The following KLHL8 variants were observed in gnomAD, a reference collection of about 807,000 sequenced individuals.
KLHL8 encodes the protein kelch like family member 8.
Under a neutral mutation model 63.5 loss-of-function variants are expected in KLHL8, and 38 were observed. That is an observed-to-expected ratio of 0.60 (90% CI 0.46 to 0.78). KLHL8 has a LOEUF of 0.78. Among genes scored for constraint, KLHL8 ranks in the 30% least tolerant of loss-of-function variants. The pLI is 0.00. For synonymous variants in KLHL8, 224 were observed against 254.3 expected (o/e 0.88, Z 1.13); for missense variants, 566 against 752.4 (o/e 0.75, Z 2.90).
chr4:87,165,064 G>T (rs1044846131), intron 8 of KLHL8, among the ~76,000 whole-genome samples: 1 of 150,824 alleles, frequency 6.6e-6, no homozygotes, highest in African/African-American at 2.4e-5. Context: ...CAGGACAATG[G>T]CGTGAACCTG....
chr4:87,238,161 C>T (rs1023640556), intron 1 of KLHL8, among the ~76,000 whole-genome samples: 4 of 152,092 alleles, frequency 2.6e-5, no homozygotes, highest in African/African-American at 4.8e-5. Context: ...GTCTCAAACT[C>T]GTGATCTCAT....
chr4:87,200,758 T>C (rs1348443995), intron 1 of KLHL8, among the ~76,000 whole-genome samples: 1 of 152,106 alleles, frequency 6.6e-6, no homozygotes, highest in Non-Finnish European at 1.5e-5. Flanking sequence ...GAAATAGAAT[T>C]ACCATAAAAT....
chr4:87,190,181 TGCAA>T (rs1350693207), intron 2 of KLHL8, among the ~76,000 whole-genome samples: 1 of 152,192 alleles, frequency 6.6e-6, no homozygotes, highest in African/African-American at 2.4e-5. Context: ...TAGCAACTTA[TGCAA>T]GCATCTTCTT....
intron 1 of KLHL8, among the ~76,000 whole-genome samples, chr4:87,216,643 C>A (rs1732606350): frequency 6.6e-6 from 1 of 152,096 alleles, no homozygotes; most frequent in African/African-American, 2.4e-5. Context: ...TTCCCAAGGT[C>A]CCTCCAACCC....
chr4:87,167,102 A>C (rs1393362306), intron 8 of KLHL8: 3 of 420,512 alleles, frequency 7.1e-6, no homozygotes, highest in South Asian at 2.2e-5. Context: ...GAGTTGGAAG[A>C]AGCACCTCAA....
At position 87,160,554 on chromosome 4, in the gene KLHL8, A is replaced by G. The variant is rs1730118169; in HGVS notation, c.*2965T>C. ...TCAAAGTTCATTTGGGAATTAAAAG[A>G]ATGAATAAAATACTCCTTAGAGGGA... On this transcript the variant is annotated 3_prime_UTR_variant, in exon 10 of 10. Coordinates refer to ENST00000273963, the MANE Select transcript of KLHL8 (RefSeq NM_020803.5). 6.6e-6 allele frequency: 1 copy of G among 152,238 alleles called. No homozygotes were observed. Among genetic ancestry groups the G allele is most frequent in the Non-Finnish European group, 1.5e-5 (1 of 68,028 alleles). The allele number at this position is 152,238 out of a possible 1,614,324, so 9.4% of individuals were successfully genotyped here.
chr4:87,175,842 GAAGAA>G (rs1336662479), intron 6 of KLHL8, among the ~76,000 whole-genome samples: 1 of 152,088 alleles, frequency 6.6e-6, no homozygotes, highest in African/African-American at 2.4e-5. Flanking sequence ...AAAAATCAAT[GAAGAA>G]AAGAGAAATT....
chr4:87,185,748 G>T lies in KLHL8; in HGVS notation c.268C>A (p.Pro90Thr). 6.2e-7 allele frequency: 1 copy of T among 1,602,632 alleles called. No homozygotes were observed. Among genetic ancestry groups the T allele is most frequent in the South Asian group, 1.1e-5 (1 of 89,918 alleles). Residue 90 changes from proline to threonine, a missense_variant, in exon 3 of 10, where the codon CCC becomes ACC. Physicochemically the swap from Pro to Thr is conservative, Grantham distance 38. Transcript: ENST00000273963. Reference protein sequence around the residue: ...CHKLVLACVIPYFRAMFLSEM... With the variant: ...CHKLVLACVITYFRAMFLSEM... ...GAAAGAAACATGGCTCTAAAGTAGG[G>T]AATAACACAAGCCAATACCAGCTTG...
chr4:87,222,951 ATTT>A (rs1013679112), upstream of KLHL8, among the ~76,000 whole-genome samples: 2 of 151,608 alleles, frequency 1.3e-5, no homozygotes, highest in African/African-American at 4.8e-5. Context: ...CTTTTATTTT[ATTT>A]TATTTATTTT....
chr4:87,198,092 G>C (rs976901458), intron 1 of KLHL8, among the ~76,000 whole-genome samples: 1 of 151,146 alleles, frequency 6.6e-6, no homozygotes, highest in Non-Finnish European at 1.5e-5. Context: ...ACCAAGGTGG[G>C]TGGCTCACCT....
intron 2 of KLHL8, among the ~76,000 whole-genome samples, chr4:87,193,610 G>T (rs1215934134): frequency 1.3e-5 from 2 of 152,092 alleles, no homozygotes; most frequent in Non-Finnish European, 2.9e-5. Context: ...AAATACATAA[G>T]CCTGTAACAT....
chr4:87,201,318 C>T (rs144500971), intron 1 of KLHL8, among the ~76,000 whole-genome samples: 1 of 152,268 alleles, frequency 6.6e-6, no homozygotes. Flanking sequence ...AGTGTCAATT[C>T]CCAAAGACAT....
At chr4:87,237,525 A>T (rs1304061746) in intron 1 of KLHL8, among the ~76,000 whole-genome samples, 1 of 152,194 alleles carries the variant, frequency 6.6e-6, no homozygotes, top group African/African-American at 2.4e-5. Flanking sequence ...TGATGCAGTC[A>T]TTGATTAAAT....
chr4:87,191,012 A>G (rs1052150629), intron 2 of KLHL8, among the ~76,000 whole-genome samples: 5 of 152,214 alleles, frequency 3.3e-5, no homozygotes, highest in African/African-American at 1.2e-4. Context: ...GTAAAGGAAA[A>G]CCTTTATAAA....
At chr4:87,184,818 A>G (rs1179213449) in intron 3 of KLHL8, among the ~76,000 whole-genome samples, 2 of 152,192 alleles carry the variant, frequency 1.3e-5, no homozygotes, top group Non-Finnish European at 2.9e-5. Context: ...GTGATGTCCT[A>G]TGGTTGTTTA....
At chr4:87,190,375 T>C (rs1183360625) in intron 2 of KLHL8, among the ~76,000 whole-genome samples, 2 of 152,170 alleles carry the variant, frequency 1.3e-5, no homozygotes, top group Non-Finnish European at 2.9e-5. Flanking sequence ...CCAGGGGCAG[T>C]GGCTCATGCC....
intron 1 of KLHL8, among the ~76,000 whole-genome samples, chr4:87,205,844 A>C (rs1187748684): frequency 6.6e-6 from 1 of 152,226 alleles, no homozygotes; most frequent in East Asian, 1.9e-4. Flanking sequence ...GATGGAGTGA[A>C]GCCCAAGTAA....
intron 3 of KLHL8, among the ~76,000 whole-genome samples, chr4:87,183,630 C>T (rs938818097): frequency 1.3e-5 from 2 of 152,112 alleles, no homozygotes; most frequent in Non-Finnish European, 2.9e-5. Context: ...TCAGACTACA[C>T]GTTAAATTAT....
upstream of KLHL8, among the ~76,000 whole-genome samples, chr4:87,224,391 C>A (rs6531962): frequency 3.3e-5 from 5 of 152,304 alleles, no homozygotes; most frequent in African/African-American, 4.8e-5. Context: ...TTAAAGGAGT[C>A]GGGGAGCAGG....
Sources: gnomAD v4.1 joint callset for allele counts (sites outside exome capture counted in the v4.1 genomes callset) on GRCh38, gnomAD v4.1.1 for gene constraint, MANE v1.5 for transcripts, NCBI Gene and HGNC (gene_info 2026-07-23, HGNC 2026-07-21) for gene names.